The following CRELD1 variants were observed in gnomAD, a reference collection of about 807,000 sequenced individuals.
CRELD1 encodes the protein CRELD disulfide isomerase 1, also known as protein disulfide isomerase CRELD1.
Under a neutral mutation model 58.2 loss-of-function variants are expected in CRELD1, and 42 were observed. That is an observed-to-expected ratio of 0.72 (90% confidence interval 0.56 to 0.93). The LOEUF is 0.93. CRELD1 is among the 40% of genes least tolerant of loss of function. The pLI is 0.00. For synonymous variants in CRELD1, 222 were observed against 202.0 expected (o/e 1.10, Z -0.84); for missense variants, 500 against 540.6 (o/e 0.92, Z 0.74).
chr3:9,941,746 C>T lies in CRELD1; in HGVS notation c.733+540C>T, dbSNP rs1367637181. 2.5e-4 allele frequency among the ~76,000 whole-genome samples: 35 copies of T among 138,012 alleles called. 1 individual carries two copies. The highest frequency in any genetic ancestry group is 1.1e-4 in the Non-Finnish European group (7 of 66,020). 90.5% of individuals were successfully genotyped at this position (138,012 alleles called of 152,430 possible). On this transcript the variant is annotated intron_variant, in intron 7 of 10. Transcript: ENST00000452070. ...CGGAGCTTGCAGTGAGCCGAGATCG[C>T]ACCACTGCACTCCAGTCTGGGCAAC... is the stretch of plus-strand genomic sequence containing the variant.
At position 9,934,567 on chromosome 3, in the gene CRELD1, C is replaced by T. The variant is rs1414948306; in HGVS notation, c.129C>T (p.Pro43=). 1.2e-6 allele frequency: 2 copies of T among 1,614,118 alleles called. No homozygotes were observed. Among genetic ancestry groups the T allele is most frequent in the Non-Finnish European group, 1.7e-6 (2 of 1,180,012 alleles). Residue 43 remains proline, a synonymous_variant, in exon 2 of 11, where the codon CCC becomes CCT. Coordinates refer to ENST00000452070, the MANE Select transcript of CRELD1 (RefSeq NM_001077415.3). ...PPPQSSPPPQ[P]HPCHTCRGLV... is the part of the protein sequence containing the mutation. ...CCCAGTCTTCTCCCCCGCCTCAGCC[C>T]CATCCGTGTCATACCTGCCGGGGAC... is the stretch of plus-strand genomic sequence containing the variant.
At chr3:9,944,257 C>A in intron 10 of CRELD1, 108 bp from the exon 11 acceptor site, 4 of 1,015,032 alleles carry the variant, frequency 3.9e-6, no homozygotes, top group Non-Finnish European at 4.7e-6. Context: ...GCTTGCTGGG[C>A]AGGCCTGGTG....
chr3:9,943,814 G>A, intron 10 of CRELD1: 1 of 1,612,454 alleles, frequency 6.2e-7, no homozygotes, highest in Non-Finnish European at 8.5e-7. Flanking sequence ...GCTGTCCTAG[G>A]CCGGGGGTGT....
intron 5 of CRELD1, among the ~76,000 whole-genome samples, chr3:9,939,961 G>A (rs1243763687): frequency 1.3e-5 from 2 of 151,546 alleles, no homozygotes; most frequent in East Asian, 2.0e-4. Flanking sequence ...CGGGCGGGGG[G>A]CTGACCCCCT....
Position 9,945,088 on chromosome 3 carries a change from T to G in CRELD1, c.*509T>G. 1 of 191,422 alleles carries G rather than the reference T, an allele frequency of 5.2e-6. No individual in the cohort carries two copies. Among genetic ancestry groups the G allele is most frequent in the Non-Finnish European group, 1.1e-5 (1 of 90,104 alleles). 11.9% of individuals were successfully genotyped at this position (191,422 alleles called of 1,614,324 possible). A position where few individuals can be genotyped will look rare whatever the true frequency, so the allele number is the denominator to read the frequency against. On this transcript the variant is annotated 3_prime_UTR_variant, in exon 11 of 11. Transcript: ENST00000452070. ...CCCACCTTAGGGAAATGTCCTAGAA[T>G]CCTGGGAAATTGAGGGCTTCTTTGA...
intron 10 of CRELD1, chr3:9,943,988 A>G (rs986354423): frequency 9.7e-7 from 1 of 1,032,854 alleles, no homozygotes; most frequent in African/African-American, 1.6e-5. Context: ...ATATGTAAAA[A>G]TGAAGATGCA....
chr3:9,944,087 C>T (rs2085451250), intron 10 of CRELD1: 1 of 793,846 alleles, frequency 1.3e-6, no homozygotes, highest in East Asian at 2.4e-5. Context: ...TGGAACGAGA[C>T]TCATACACGT....
At chr3:9,944,092 A>G (rs1420026270) in intron 10 of CRELD1, 1 of 792,866 alleles carries the variant, frequency 1.3e-6, no homozygotes, top group African/African-American at 1.7e-5. Context: ...CGAGACTCAT[A>G]CACGTAATAA....
At chr3:9,942,716 C>A (rs1270302038) in intron 7 of CRELD1, 97 bp from the exon 8 acceptor site, 3 of 942,814 alleles carry the variant, frequency 3.2e-6, no homozygotes, top group Admixed American at 1.7e-5. Context: ...CTCTGCCATA[C>A]CATTTAATCC....
intron 1 of CRELD1, chr3:9,934,210 A>G (rs2085093101): frequency 5.2e-6 from 3 of 578,564 alleles, no homozygotes; most frequent in South Asian, 4.0e-5. Context: ...TCTCCACCCC[A>G]TGCTAGCGAG....
chr3:9,940,746 G>C, intron 5 of CRELD1, 104 bp from the exon 6 acceptor site: 1 of 743,604 alleles, frequency 1.3e-6, no homozygotes, highest in East Asian at 2.9e-5. Context: ...GGGGAGGGGG[G>C]GAGGGAGGGA....
At chr3:9,935,918 T>C (rs2124822374) in intron 3 of CRELD1, 1 of 152,342 alleles carries the variant, frequency 6.6e-6, no homozygotes, top group South Asian at 2.1e-4. Flanking sequence ...GTTGTCATTA[T>C]ATAGTCAGTA....
chr3:9,936,535 G>A (rs1575635796), intron 3 of CRELD1, among the ~76,000 whole-genome samples: 1 of 136,080 alleles, frequency 7.3e-6, no homozygotes, highest in Admixed American at 7.1e-5. Flanking sequence ...GTATATATAT[G>A]TGCGTATATA....
chr3:9,936,068 TC>T (rs1403263022), intron 3 of CRELD1: 1 of 152,154 alleles, frequency 6.6e-6, no homozygotes, highest in Non-Finnish European at 1.5e-5. Flanking sequence ...CTCCAGCTTT[TC>T]AAAGTCAGAT....
intron 5 of CRELD1, among the ~76,000 whole-genome samples, chr3:9,940,352 C>T (rs1395809467): frequency 1.3e-5 from 2 of 152,084 alleles, no homozygotes; most frequent in African/African-American, 2.4e-5. Flanking sequence ...GCCGAGATCA[C>T]GCCACTGCAC....
At chr3:9,943,888 A>G (rs758594791) in intron 10 of CRELD1, 12 of 1,610,816 alleles carry the variant, frequency 7.4e-6, no homozygotes, top group Non-Finnish European at 1.0e-5. Context: ...TTACTGTGTC[A>G]GATGCTGTTC....
chr3:9,941,201 G>A lies in CRELD1; in HGVS notation c.728G>A (p.Cys243Tyr), dbSNP rs778286331. The change falls in exon 7 of 11, where the codon TGT (cysteine) becomes TAT (tyrosine). Residue 243 changes from cysteine to tyrosine, a missense_variant. Cys to Tyr is a radical substitution (Grantham distance 194). Coordinates refer to ENST00000452070, the MANE Select transcript of CRELD1 (RefSeq NM_001077415.3). ...KKGWALHHLK[C>Y]VDIDECGTEG... The stretch of plus-strand genomic sequence containing the variant: ...GGCTGGGCCCTGCATCACCTCAAGT[G>A]TGTAGGTAAGTGGGGCCCTAGCTAG... 3 of 1,612,716 alleles carry A rather than the reference G, an allele frequency of 1.9e-6. No individual in the cohort carries two copies. The highest frequency in any genetic ancestry group is 1.7e-5 in the Admixed American group (1 of 60,006).
rs1224025789 is a variant in CRELD1, at chr3:9,942,991, G to C, written c.818-86G>C. ...CAAACCTTCCCCTTCTCAGGCTTCA[G>C]AGCACCCCCAGGCCTCCGCTTCTGG... On this transcript the variant is annotated intron_variant, in intron 8 of 10. Transcript: ENST00000452070. 9.7e-6 allele frequency: 15 copies of C among 1,547,920 alleles called. No homozygotes were observed. The East Asian group carries it at 2.7e-4, about 28-fold the overall frequency.
chr3:9,941,789 C>CAAA lies in CRELD1; in HGVS notation c.733+608_733+610dup, dbSNP rs34088708. On this transcript the variant is annotated intron_variant, in intron 7 of 10. Transcript: ENST00000452070. ...TGGGCAACAGAGGGAGACTCCATCT[C>CAAA]AAAAAAAAAAAAAAAAAAAAAAAAA... Among the ~76,000 whole-genome samples, 145 of 20,632 alleles carry CAAA rather than the reference C, an allele frequency of 7.0e-3. 11 individuals are homozygous for CAAA. Among genetic ancestry groups the CAAA allele is most frequent in the African/African-American group, 0.021 (132 of 6,172 alleles). The allele number at this position is 20,632 out of a possible 152,430, so 13.5% of individuals were successfully genotyped here.
Sources: gnomAD v4.1 joint callset for allele counts (sites outside exome capture counted in the v4.1 genomes callset) on GRCh38, gnomAD v4.1.1 for gene constraint, MANE v1.5 for transcripts, NCBI Gene and HGNC (gene_info 2026-07-23, HGNC 2026-07-21) for gene names.